CAMTA1: variants seen among roughly 807,000 people sequenced by gnomAD.
CAMTA1 encodes calmodulin binding transcription activator 1.
In CAMTA1, 27 loss-of-function variants were observed where a neutral mutation model predicts 170.9. That is an observed-to-expected ratio of 0.16 (90% CI 0.12 to 0.22). The LOEUF (loss-of-function observed/expected upper bound fraction) is 0.22. Among genes scored for constraint, CAMTA1 ranks in the 10% least tolerant of loss-of-function variants. The pLI, the probability that CAMTA1 is intolerant of heterozygous loss-of-function variation, is 1.00. For missense variants in CAMTA1, 1,619 were observed against 2,217.2 expected, an observed-to-expected ratio of 0.73 and a Z score of 5.42; for synonymous variants, 833 against 891.5, an observed-to-expected ratio of 0.93 and a Z score of 1.17.
In CAMTA1 at chr1:7,661,763, C is replaced by A; in HGVS notation, c.702C>A (p.Ser234Arg). The A allele has an allele frequency of 6.2e-7, 1 of 1,613,990 alleles. No homozygotes were observed. The highest frequency in any genetic ancestry group is 8.5e-7 in the Non-Finnish European group (1 of 1,179,996). ...AGTGGACCTGCAGCAATGGGAACAG[C>A]AGCTCAGGCTTCTCGGTGGAACAGC... Reference protein sequence around the residue: ...GIKWTCSNGNSSSGFSVEQLV... With the variant: ...GIKWTCSNGNRSSGFSVEQLV... The change falls in exon 8 of 23, where the codon AGC (serine) becomes AGA (arginine). Residue 234 changes from serine (S) to arginine (R), a missense_variant. By Grantham distance (110) the Ser-to-Arg change is moderately radical. Around this residue, in one of 8 missense-constraint regions of CAMTA1, gnomAD observed 731 missense variants for 907.6 expected, o/e 0.81. Transcript: ENST00000303635.
chr1:7,027,968 A>C (rs2101045670), intron 3 of CAMTA1, among the ~76,000 whole-genome samples: 1 of 150,272 alleles, frequency 6.7e-6, no homozygotes, highest in East Asian at 2.0e-4. Context: ...GCAATGGTGC[A>C]ATCTTGGCTC....
chr1:7,378,460 A>C (rs2087015160), intron 5 of CAMTA1, among the ~76,000 whole-genome samples: 1 of 152,246 alleles, frequency 6.6e-6, no homozygotes, highest in South Asian at 2.1e-4. Flanking sequence ...CGCTACCACC[A>C]GGATGAACCT....
chr1:7,167,862 C>A (rs1156604190), intron 4 of CAMTA1, among the ~76,000 whole-genome samples: 1 of 152,130 alleles, frequency 6.6e-6, no homozygotes, highest in Non-Finnish European at 1.5e-5. Flanking sequence ...GATCCTCCCA[C>A]CTCAGCCTCC....
At chr1:7,002,793 T>C (rs1400578718) in intron 3 of CAMTA1, among the ~76,000 whole-genome samples, 2 of 152,186 alleles carry the variant, frequency 1.3e-5, no homozygotes, top group African/African-American at 2.4e-5. Context: ...CTGCCGTCTA[T>C]GGAAATGCAG....
chr1:7,036,482 A>G (rs1435895841), intron 3 of CAMTA1, among the ~76,000 whole-genome samples: 2 of 152,232 alleles, frequency 1.3e-5, no homozygotes. Flanking sequence ...CAGCTTTATT[A>G]TCACCTATGA....
At chr1:7,034,977 T>C (rs1001130823) in intron 3 of CAMTA1, among the ~76,000 whole-genome samples, 13 of 152,328 alleles carry the variant, frequency 8.5e-5, no homozygotes, top group African/African-American at 3.1e-4. Flanking sequence ...ATTTAGCTTG[T>C]AACTCAGTCA....
intron 5 of CAMTA1, among the ~76,000 whole-genome samples, chr1:7,412,629 G>A (rs1031732626): frequency 6.6e-6 from 1 of 151,964 alleles, no homozygotes; most frequent in Non-Finnish European, 1.5e-5. Flanking sequence ...AAATTTGTTT[G>A]AGTTCATTGT....
intron 6 of CAMTA1, among the ~76,000 whole-genome samples, chr1:7,500,247 G>A (rs1372730298): frequency 2.0e-5 from 3 of 146,368 alleles, no homozygotes; most frequent in African/African-American, 7.8e-5. Context: ...GAGTGAGTGT[G>A]TAGAGAGGAT....
At chr1:7,091,426 G>T in intron 4 of CAMTA1, 55 bp downstream of exon 4, 1 of 1,323,580 alleles carries the variant, frequency 7.6e-7, no homozygotes, top group Non-Finnish European at 1.1e-6. Flanking sequence ...GGATTGATTT[G>T]CATTGATTAC....
At chr1:7,363,194 A>G (rs754535883) in intron 5 of CAMTA1, among the ~76,000 whole-genome samples, 34 of 151,900 alleles carry the variant, frequency 2.2e-4, no homozygotes, top group Non-Finnish European at 4.6e-4. Context: ...TACATCACTC[A>G]TGGACATGAG....
At chr1:7,704,574 C>A (rs1482236035) in intron 11 of CAMTA1, among the ~76,000 whole-genome samples, 1 of 148,634 alleles carries the variant, frequency 6.7e-6, no homozygotes, top group African/African-American at 2.4e-5. Context: ...CCGCGCCGAG[C>A]GGCTCCGCGC....
At chr1:7,653,388 A>G (rs533580579) in intron 7 of CAMTA1, among the ~76,000 whole-genome samples, 2 of 151,948 alleles carry the variant, frequency 1.3e-5, no homozygotes, top group East Asian at 3.9e-4. Context: ...TCCGCCTCCC[A>G]TGTAGCTGGG....
At chr1:7,498,397 A>ATGTGTATGAG (rs935711200) in intron 6 of CAMTA1, among the ~76,000 whole-genome samples, 1 of 146,130 alleles carries the variant, frequency 6.8e-6, no homozygotes, top group East Asian at 2.1e-4. Context: ...GTGTGAGTGA[A>ATGTGTATGAG]TGTGTATGAG....
chr1:7,079,231 A>G lies in CAMTA1; in HGVS notation c.235-12073A>G, dbSNP rs1415301896. Among the ~76,000 whole-genome samples, 3 of 152,324 alleles carry G rather than the reference A, an allele frequency of 2.0e-5. No individual in the cohort carries two copies. In the South Asian group the frequency reaches 6.2e-4, roughly 32 times the overall value. On this transcript the variant is annotated intron_variant, in intron 3 of 22. Transcript: ENST00000303635. ...GTGCTGTAGACCCACCTTTACAGAG[A>G]TTAAAAATAAGCCTTGAGAGGGTCA...
chr1:6,819,453 G>A (rs1557622672), intron 1 of CAMTA1, among the ~76,000 whole-genome samples: 1 of 152,060 alleles, frequency 6.6e-6, no homozygotes, highest in Non-Finnish European at 1.5e-5. Flanking sequence ...ACTAGTTGGC[G>A]CTCTGCACAT....
intron 22 of CAMTA1, among the ~76,000 whole-genome samples, chr1:7,757,981 A>G (rs2096943304): frequency 6.6e-6 from 1 of 152,082 alleles, no homozygotes; most frequent in Non-Finnish European, 1.5e-5. Flanking sequence ...ATGTAAGAAA[A>G]AAAGAGGACA....
chr1:7,471,163 C>T (rs1215428141), intron 6 of CAMTA1, among the ~76,000 whole-genome samples: 1 of 152,234 alleles, frequency 6.6e-6, no homozygotes, highest in Non-Finnish European at 1.5e-5. Context: ...TGCTACCTCT[C>T]TGTCTGTGTC....
rs921754608 is a variant in CAMTA1 at position 7,216,142 on chromosome 1, G to A, written c.303-33349G>A. Reference sequence around the variant, plus strand: ...AGCCCGCGTGTCCTGCGTGGCTGGAGCAGGAGGAAGAGGGTGAAGGGGGAG... The same window carrying A: ...AGCCCGCGTGTCCTGCGTGGCTGGAACAGGAGGAAGAGGGTGAAGGGGGAG... On this transcript the variant is annotated intron_variant, in intron 4 of 22. Transcript: ENST00000303635. The surrounding 1 kb of genome is among the most constrained non-coding windows in gnomAD (Gnocchi z 4.0). Among the ~76,000 whole-genome samples the A allele has an allele frequency of 2.0e-5, 3 of 152,192 alleles. No homozygotes were observed. The highest frequency in any genetic ancestry group is 7.2e-5 in the African/African-American group (3 of 41,458).
In CAMTA1 at chr1:7,737,422, G is replaced by A; in HGVS notation, c.3510G>A (p.Glu1170=). 1 of 1,614,200 alleles carries A rather than the reference G, an allele frequency of 6.2e-7. No homozygotes were observed. Among genetic ancestry groups the A allele is most frequent in the Non-Finnish European group, 8.5e-7 (1 of 1,180,002 alleles). Residue 1170 remains glutamate (E), a synonymous_variant, in exon 15 of 23, where the codon GAG becomes GAA. Coordinates refer to ENST00000303635, the MANE Select transcript of CAMTA1 (RefSeq NM_015215.4). ...AECLEHLQRD[E]QAQLGQNPRI... ...GTCTGGAGCACCTGCAGAGAGATGAGCAGGCTCAGCTGGGACAGAACCCCA... is the reference window on the plus strand; with the variant it reads ...GTCTGGAGCACCTGCAGAGAGATGAACAGGCTCAGCTGGGACAGAACCCCA...
Sources: gnomAD v4.1 joint callset for allele counts (sites outside exome capture counted in the v4.1 genomes callset) on GRCh38, gnomAD v4.1.1 for gene constraint, gnomAD v4.1.1 regional missense constraint, Gnocchi (gnomAD v3.1) non-coding constraint, MANE v1.5 for transcripts, NCBI Gene and HGNC (gene_info 2026-07-23, HGNC 2026-07-21) for gene names.